TXNL1: variants seen among roughly 807,000 people sequenced by gnomAD.
TXNL1 encodes the protein thioredoxin like 1.
TXNL1 carries 14 observed loss-of-function variants against 35.5 expected under a neutral mutation model. The observed-to-expected ratio is 0.39, with a 90% CI of 0.26 to 0.62. The LOEUF (loss-of-function observed/expected upper bound fraction) is 0.62, where lower values mean the gene tolerates loss of function less well. Among genes scored for constraint, TXNL1 ranks in the 20% least tolerant of loss-of-function variants. TXNL1 has a pLI of 0.47. For synonymous variants in TXNL1, 110 were observed against 115.5 expected, an observed-to-expected ratio of 0.95 and a Z score of 0.31; for missense variants, 263 against 349.7, an observed-to-expected ratio of 0.75 and a Z score of 1.98.
chr18:56,627,176 A>C (rs2024299550), intron 1 of TXNL1, among the ~76,000 whole-genome samples: 1 of 152,052 alleles, frequency 6.6e-6, no homozygotes, highest in Non-Finnish European at 1.5e-5. Flanking sequence ...ATACTGTCTT[A>C]ATGAGCCCAG....
At chr18:56,617,590 T>C (rs553169276) in intron 4 of TXNL1, among the ~76,000 whole-genome samples, 4 of 152,228 alleles carry the variant, frequency 2.6e-5, no homozygotes, top group African/African-American at 7.2e-5. Flanking sequence ...CAGGGAAGCA[T>C]AGGGAATATA....
intron 3 of TXNL1, among the ~76,000 whole-genome samples, chr18:56,623,800 CT>C (rs34071610): frequency 8.0e-3 from 1,128 of 140,722 alleles, no homozygotes; most frequent in African/African-American, 0.012. Flanking sequence ...AGTAATTAGA[CT>C]TTTTTTTTTT....
intron 6 of TXNL1, among the ~76,000 whole-genome samples, chr18:56,611,522 A>G (rs1432768998): frequency 6.6e-6 from 1 of 151,788 alleles, no homozygotes; most frequent in Non-Finnish European, 1.5e-5. Context: ...AAAAAAATTA[A>G]TCAAAATTAT....
chr18:56,628,378 T>C (rs1022818839), intron 1 of TXNL1, among the ~76,000 whole-genome samples: 11 of 152,164 alleles, frequency 7.2e-5, no homozygotes, highest in African/African-American at 2.7e-4. Flanking sequence ...CCTTAGAACA[T>C]TTGAAAAAGT....
At chr18:56,603,237 G>T (rs959710127) in intron 7 of TXNL1, among the ~76,000 whole-genome samples, 181 bp from the exon 8 acceptor site, 2 of 149,994 alleles carry the variant, frequency 1.3e-5, no homozygotes, top group Admixed American at 6.7e-5. Context: ...CAGCCACAAG[G>T]AATTAAAAAT....
chr18:56,634,186 T>C (rs1281290348), intron 1 of TXNL1, among the ~76,000 whole-genome samples: 1 of 151,950 alleles, frequency 6.6e-6, no homozygotes, highest in African/African-American at 2.4e-5. Context: ...AAAAAGAATA[T>C]CAGAGAGTGA....
chr18:56,632,970 A>G (rs8099231), intron 1 of TXNL1, among the ~76,000 whole-genome samples: 2,370 of 152,308 alleles, frequency 0.016, 55 homozygotes, highest in African/African-American at 0.052. Flanking sequence ...TGTAATTAAC[A>G]TATGTTTAAT....
chr18:56,634,362 T>TA (rs928768643), intron 1 of TXNL1, among the ~76,000 whole-genome samples: 1 of 152,172 alleles, frequency 6.6e-6, no homozygotes, highest in African/African-American at 2.4e-5. Context: ...AACGGGACCT[T>TA]AAACAAATTA....
chr18:56,615,470 T>TGG (rs5825193), intron 5 of TXNL1, among the ~76,000 whole-genome samples: 5,754 of 136,108 alleles, frequency 0.042, 173 homozygotes, highest in African/African-American at 0.088. Context: ...AAAGAAAAAA[T>TGG]GGGGGGGGGC....
intron 7 of TXNL1, chr18:56,609,272 C>T (rs2023952441): frequency 6.6e-6 from 1 of 152,012 alleles, no homozygotes; most frequent in African/African-American, 2.4e-5. Flanking sequence ...TGTTATAAAA[C>T]AAGCACAAAT....
At chr18:56,626,578 T>C (rs950340506) in intron 1 of TXNL1, 121 bp from the exon 2 acceptor site, 1 of 903,090 alleles carries the variant, frequency 1.1e-6, no homozygotes, top group Non-Finnish European at 1.6e-6. Flanking sequence ...CTGTTTTTTT[T>C]GTTTTGTTTT....
chr18:56,630,064 T>G (rs1598923743), intron 1 of TXNL1, among the ~76,000 whole-genome samples: 1 of 152,130 alleles, frequency 6.6e-6, no homozygotes, highest in Admixed American at 6.5e-5. Flanking sequence ...CCAGGCGTGA[T>G]AGCGGATGCC....
chr18:56,619,030 T>A (rs1332249895), intron 3 of TXNL1, among the ~76,000 whole-genome samples: 1 of 151,624 alleles, frequency 6.6e-6, no homozygotes, highest in Non-Finnish European at 1.5e-5. Flanking sequence ...GGCAACATAG[T>A]GAGACTTTGT....
intron 2 of TXNL1, among the ~76,000 whole-genome samples, chr18:56,625,228 T>C (rs1361019207): frequency 6.6e-6 from 1 of 152,136 alleles, no homozygotes; most frequent in Non-Finnish European, 1.5e-5. Context: ...GAAAAAACTA[T>C]GACCTTTCAG....
intron 7 of TXNL1, chr18:56,610,343 A>G (rs1420643363): frequency 1.3e-5 from 2 of 152,304 alleles, no homozygotes; most frequent in African/African-American, 4.8e-5. Context: ...TCGTTCCAGT[A>G]ATGTACAGAA....
At chr18:56,616,368 T>C (rs1053802023) in intron 4 of TXNL1, 54 bp from the exon 5 acceptor site, 2 of 1,439,936 alleles carry the variant, frequency 1.4e-6, no homozygotes, top group African/African-American at 2.9e-5. Context: ...CTTGAGTACA[T>C]AAACTACTGA....
In TXNL1 at chr18:56,598,190, A is replaced by G. The variant is rs1168474817; in HGVS notation, c.*4837T>C. ...ACTCAACCCAAGCATCTCCCCTTGG[A>G]CCCTGAGAATTTTTTCAACATTGTA... On this transcript the variant is annotated 3_prime_UTR_variant, in exon 8 of 8. Transcript: ENST00000217515. The G allele has an allele frequency of 1.3e-5, 2 of 152,286 alleles. No individual in the cohort carries two copies. The highest frequency in any genetic ancestry group is 3.9e-4 in the East Asian group (2 of 5,192). The allele number at this position is 152,286 out of a possible 1,614,324, so 9.4% of individuals were successfully genotyped here.
At chr18:56,617,534 T>C (rs1166478384) in intron 4 of TXNL1, among the ~76,000 whole-genome samples, 1 of 152,206 alleles carries the variant, frequency 6.6e-6, no homozygotes, top group Non-Finnish European at 1.5e-5. Context: ...TTTAAAAAGC[T>C]TGATCAAGGT....
intron 1 of TXNL1, among the ~76,000 whole-genome samples, chr18:56,629,495 C>A (rs1487690468): frequency 3.9e-5 from 6 of 152,098 alleles, no homozygotes; most frequent in Non-Finnish European, 5.9e-5. Context: ...ACCACTGCAC[C>A]CCAGCCTGAT....
Sources: allele counts gnomAD v4.1 joint callset (sites outside exome capture counted in the v4.1 genomes callset), GRCh38; gene constraint gnomAD v4.1.1; transcripts MANE v1.5; gene names NCBI Gene and HGNC (gene_info 2026-07-23, HGNC 2026-07-21).